PRDM10: variants seen among roughly 807,000 people sequenced by gnomAD.
PRDM10 encodes the protein PR domain zinc finger protein 10.
A neutral mutation model predicts 133.1 loss-of-function variants in PRDM10; 65 were observed. That is an observed-to-expected ratio of 0.49 (90% CI 0.40 to 0.60). The LOEUF is 0.60. PRDM10 is among the 20% of genes least tolerant of loss of function. The pLI, the probability that PRDM10 is intolerant of heterozygous loss-of-function variation, is 0.00. For synonymous variants in PRDM10, 582 were observed against 580.4 expected (o/e 1.00, Z -0.04); for missense variants, 1,137 against 1,507.1 (o/e 0.75, Z 4.07).
chr11:129,905,664 T>C lies in PRDM10; in HGVS notation c.3241A>G (p.Thr1081Ala), dbSNP rs1374459832. The C allele has an allele frequency of 1.2e-6, 2 of 1,614,000 alleles. No individual in the cohort carries two copies. The highest frequency in any genetic ancestry group is 1.7e-5 in the Admixed American group (1 of 59,994). Reference sequence around the variant, plus strand: ...GAAGTAACCGCCTTCACCTGGCCAGTAGTAACTGGAGTTGCCACACCACTG... The same window carrying C: ...GAAGTAACCGCCTTCACCTGGCCAGCAGTAACTGGAGTTGCCACACCACTG... ...TDSGVATPVT[T>A]GQVKAVTSGH... Residue 1081 changes from threonine (T) to alanine (A), a missense_variant, in exon 20 of 21, where the codon ACT becomes GCT. Physicochemically the swap from Thr to Ala is moderately conservative, Grantham distance 58. Coordinates refer to ENST00000360871, the MANE Select transcript of PRDM10 (RefSeq NM_199437.2).
At chr11:129,917,333 A>G in intron 14 of PRDM10, 96 bp from the exon 15 acceptor site, 2 of 925,502 alleles carry the variant, frequency 2.2e-6, no homozygotes, top group South Asian at 3.2e-5. Context: ...AGAAGCTGGA[A>G]TTCTCTGAAG....
chr11:129,941,752 A>T (rs955239010), intron 7 of PRDM10, among the ~76,000 whole-genome samples: 1 of 152,234 alleles, frequency 6.6e-6, no homozygotes, highest in African/African-American at 2.4e-5. Context: ...ATTTTGCCCA[A>T]CTGTAGGTTA....
In PRDM10 at chr11:129,945,027, C is replaced by T. The variant is rs376356122; in HGVS notation, c.521-15G>A. The T allele has an allele frequency of 6.2e-7, 1 of 1,608,618 alleles. No individual in the cohort carries two copies. Among genetic ancestry groups the T allele is most frequent in the Non-Finnish European group, 8.5e-7 (1 of 1,178,722 alleles). On this transcript the variant is annotated splice_polypyrimidine_tract_variant and intron_variant, in intron 5 of 20. Transcript: ENST00000360871. This position sits in a 1 kb window ranked among gnomAD's most constrained non-coding sequence, Gnocchi z 4.2. ...CTCCTCACACCCTGCAAAAGAGAGA[C>T]AGTCTTGAAGAAAAGTCCAATTCCT...
In PRDM10 at chr11:129,912,196, G is replaced by A. The variant is rs780507375; in HGVS notation, c.2871C>T (p.Ser957=). The A allele has an allele frequency of 6.2e-7, 1 of 1,606,542 alleles. No homozygotes were observed. Among genetic ancestry groups the A allele is most frequent in the East Asian group, 2.3e-5 (1 of 44,402 alleles). ...SATSPHQSQQ[S]TVDVGQLHDP... ...CATGGAGCTGGCCAACATCCACAGT[G>A]GACTGCTGTGACTGGTGAGGGGAAG... Residue 957 remains serine (S), a synonymous_variant, in exon 18 of 21, where the codon TCC becomes TCT. Transcript: ENST00000360871.
intron 4 of PRDM10, among the ~76,000 whole-genome samples, chr11:129,949,422 G>A (rs1951520462): frequency 6.6e-6 from 1 of 152,112 alleles, no homozygotes; most frequent in South Asian, 2.1e-4. Flanking sequence ...AGTTCTTTAA[G>A]GACCATGATG....
intron 11 of PRDM10, among the ~76,000 whole-genome samples, chr11:129,928,113 T>C (rs1350691423): frequency 6.6e-6 from 1 of 152,200 alleles, no homozygotes; most frequent in Non-Finnish European, 1.5e-5. Flanking sequence ...AGGGGGTTTG[T>C]TTGTTTTTTA....
chr11:129,962,514 T>TG (rs1301904653), intron 1 of PRDM10, among the ~76,000 whole-genome samples: 1 of 152,120 alleles, frequency 6.6e-6, no homozygotes, highest in African/African-American at 2.4e-5. Context: ...AATCCCCATT[T>TG]GGGGGGGACT....
chr11:129,992,898 C>T (rs1008237433), intron 1 of PRDM10, among the ~76,000 whole-genome samples: 2 of 152,178 alleles, frequency 1.3e-5, no homozygotes, highest in African/African-American at 4.8e-5. Flanking sequence ...GTGTTCAGAA[C>T]ACAACACAGC....
chr11:129,904,294 CT>C (rs1455084227), intron 20 of PRDM10, among the ~76,000 whole-genome samples: 2 of 151,560 alleles, frequency 1.3e-5, no homozygotes, highest in East Asian at 1.9e-4. Flanking sequence ...AGCATTTTTC[CT>C]TTTTTTTCCT....
intron 3 of PRDM10, among the ~76,000 whole-genome samples, chr11:129,956,109 G>C (rs1255827707): frequency 2.0e-5 from 3 of 151,974 alleles, no homozygotes; most frequent in Non-Finnish European, 4.4e-5. Flanking sequence ...TTTCTACATA[G>C]TCAGTAAAGT....
intron 13 of PRDM10, among the ~76,000 whole-genome samples, chr11:129,919,883 T>G (rs975237820): frequency 3.3e-5 from 5 of 152,168 alleles, no homozygotes; most frequent in Non-Finnish European, 5.9e-5. Context: ...CACCTGCCTC[T>G]TCTGCTGCAA....
At chr11:129,935,732 G>A (rs995708967) in intron 8 of PRDM10, among the ~76,000 whole-genome samples, 1 of 152,174 alleles carries the variant, frequency 6.6e-6, no homozygotes, top group African/African-American at 2.4e-5. Flanking sequence ...GTGCACATAT[G>A]TTCACTAAAA....
chr11:129,963,148 CAA>C (rs199907787), intron 1 of PRDM10, among the ~76,000 whole-genome samples: 5 of 125,036 alleles, frequency 4.0e-5, no homozygotes, highest in Admixed American at 8.3e-5. Flanking sequence ...GACTCTATCT[CAA>C]AAAAAAAAAA....
intron 1 of PRDM10, among the ~76,000 whole-genome samples, chr11:129,968,798 T>TG (rs1332788658): frequency 6.6e-6 from 1 of 152,128 alleles, no homozygotes; most frequent in Non-Finnish European, 1.5e-5. Flanking sequence ...ACCATCCCCC[T>TG]GCTGGGGTAA....
In PRDM10 at chr11:129,945,028, A is replaced by T; in HGVS notation, c.521-16T>A. 6.2e-7 allele frequency: 1 copy of T among 1,607,758 alleles called. No homozygotes were observed. The highest frequency in any genetic ancestry group is 1.7e-5 in the Admixed American group (1 of 57,272). Reference sequence around the variant, plus strand: ...TCCTCACACCCTGCAAAAGAGAGACAGTCTTGAAGAAAAGTCCAATTCCTC... The same window carrying T: ...TCCTCACACCCTGCAAAAGAGAGACTGTCTTGAAGAAAAGTCCAATTCCTC... On this transcript the variant is annotated splice_polypyrimidine_tract_variant and intron_variant, in intron 5 of 20. Transcript: ENST00000360871. This position sits in a 1 kb window ranked among gnomAD's most constrained non-coding sequence, Gnocchi z 4.2.
intron 1 of PRDM10, among the ~76,000 whole-genome samples, chr11:129,985,813 T>C (rs201501362): frequency 1.0e-5 from 1 of 95,472 alleles, no homozygotes; most frequent in Admixed American, 1.1e-4. Flanking sequence ...AAAAAAAATA[T>C]ATATATATAT....
chr11:129,919,277 G>C (rs752865670), intron 13 of PRDM10, among the ~76,000 whole-genome samples: 1 of 152,178 alleles, frequency 6.6e-6, no homozygotes, highest in South Asian at 2.1e-4. Context: ...TGAGGCAGGA[G>C]AATCACTTGA....
intron 1 of PRDM10, among the ~76,000 whole-genome samples, chr11:129,986,683 T>A (rs1405701563): frequency 6.6e-6 from 1 of 152,180 alleles, no homozygotes; most frequent in Non-Finnish European, 1.5e-5. Flanking sequence ...GTCTGCTGCA[T>A]GACTTTGCGT....
chr11:129,977,255 TACACACACACACACACACACACAC>T (rs71057991), intron 1 of PRDM10, among the ~76,000 whole-genome samples: 1 of 132,394 alleles, frequency 7.6e-6, no homozygotes, highest in Non-Finnish European at 1.6e-5. Context: ...ATGACTAAAA[TACACACACACACACACACACACAC>T]ACACACACAC....
Sources: gnomAD v4.1 joint callset for allele counts (sites outside exome capture counted in the v4.1 genomes callset) on GRCh38, gnomAD v4.1.1 for gene constraint, Gnocchi (gnomAD v3.1) non-coding constraint, MANE v1.5 for transcripts, NCBI Gene and HGNC (gene_info 2026-07-23, HGNC 2026-07-21) for gene names.